EXOC4: variants seen among roughly 807,000 people sequenced by gnomAD.
The protein encoded by EXOC4 is SEC8-like 1.
Under a neutral mutation model 107.2 loss-of-function variants are expected in EXOC4, and 71 were observed. The observed-to-expected ratio is 0.66, with a 90% CI of 0.55 to 0.81. The LOEUF is 0.81. EXOC4 is among the 30% of genes least tolerant of loss of function. The pLI is 0.00. For missense variants in EXOC4, 1,108 were observed against 1,189.6 expected (o/e 0.93, Z 1.01); for synonymous variants, 456 against 441.2 (o/e 1.03, Z -0.42).
intron 7 of EXOC4, among the ~76,000 whole-genome samples, chr7:133,473,900 C>T (rs965583666): frequency 2.0e-5 from 3 of 152,066 alleles, no homozygotes; most frequent in African/African-American, 7.2e-5. Context: ...CAGGGTTTCA[C>T]TGTGTTAGCC....
At chr7:133,283,809 T>G (rs1794214308) in intron 2 of EXOC4, among the ~76,000 whole-genome samples, 2 of 152,244 alleles carry the variant, frequency 1.3e-5, no homozygotes, top group African/African-American at 4.8e-5. Context: ...CTGGCACTAC[T>G]GATTAGTTTT....
chr7:133,823,885 T>TA (rs1332388759), intron 11 of EXOC4, among the ~76,000 whole-genome samples: 1 of 22,006 alleles, frequency 4.5e-5, no homozygotes, highest in Non-Finnish European at 6.7e-5. Flanking sequence ...TATATATATA[T>TA]ATATATATTT....
At chr7:133,465,335 G>GT (rs1294910105) in intron 7 of EXOC4, among the ~76,000 whole-genome samples, 1 of 152,094 alleles carries the variant, frequency 6.6e-6, no homozygotes, top group Non-Finnish European at 1.5e-5. Context: ...ATTTGTCTTT[G>GT]TTTTTTAAGA....
At chr7:133,319,241 G>A (rs771805881) in intron 5 of EXOC4, among the ~76,000 whole-genome samples, 1 of 152,174 alleles carries the variant, frequency 6.6e-6, no homozygotes, top group Non-Finnish European at 1.5e-5. Context: ...GCTGAAATAT[G>A]CCAGTTACGG....
At chr7:133,596,027 C>T (rs1418316547) in intron 9 of EXOC4, among the ~76,000 whole-genome samples, 4 of 152,204 alleles carry the variant, frequency 2.6e-5, no homozygotes, top group Non-Finnish European at 5.9e-5. Flanking sequence ...TGCTTTGCTC[C>T]AACATGCTAT....
intron 9 of EXOC4, among the ~76,000 whole-genome samples, chr7:133,546,193 A>C (rs575828160): frequency 8.7e-5 from 13 of 149,088 alleles, no homozygotes; most frequent in Non-Finnish European, 1.8e-4. Flanking sequence ...TTAAGATCAG[A>C]TTTATTGATA....
At chr7:133,351,838 G>C (rs1211113240) in intron 5 of EXOC4, among the ~76,000 whole-genome samples, 1 of 151,312 alleles carries the variant, frequency 6.6e-6, no homozygotes, top group Admixed American at 6.6e-5. Flanking sequence ...CTTTTTTGCT[G>C]TTTTTCCTGC....
intron 3 of EXOC4, among the ~76,000 whole-genome samples, chr7:133,293,572 A>G (rs1463801692): frequency 6.6e-6 from 1 of 152,234 alleles, no homozygotes; most frequent in East Asian, 1.9e-4. Flanking sequence ...CAGAGTAAAT[A>G]ACTCCATGGT....
chr7:134,064,217 A>C, intron 17 of EXOC4, 74 bp from the exon 18 acceptor site: 1 of 944,840 alleles, frequency 1.1e-6, no homozygotes, highest in Non-Finnish European at 1.5e-6. Flanking sequence ...CAATGTATAG[A>C]CAGCGTATTT....
At chr7:134,086,239 G>A in the EXOC4 span, among the ~76,000 whole-genome samples, 1 of 152,146 alleles carries the variant, frequency 6.6e-6, no homozygotes, top group Non-Finnish European at 1.5e-5. Flanking sequence ...GATACACAGG[G>A]AACAGGTTGA....
the EXOC4 span, among the ~76,000 whole-genome samples, chr7:134,088,533 A>G: frequency 2.3e-4 from 35 of 152,204 alleles, no homozygotes; most frequent in African/African-American, 8.0e-4. Flanking sequence ...TTAGACTTCT[A>G]CTAGTTTACT....
chr7:133,349,981 C>T (rs1249289563), intron 5 of EXOC4, among the ~76,000 whole-genome samples: 2 of 151,980 alleles, frequency 1.3e-5, no homozygotes, highest in African/African-American at 4.8e-5. Context: ...ATTTGTATAT[C>T]TTCTTTGAAA....
At chr7:134,019,459 GTATAA>G (rs944288606) in intron 17 of EXOC4, among the ~76,000 whole-genome samples, 4 of 151,444 alleles carry the variant, frequency 2.6e-5, no homozygotes, top group South Asian at 2.1e-4. Flanking sequence ...CATATTCCAA[GTATAA>G]TATGAGTAAT....
At chr7:133,737,435 C>G (rs1418052112) in intron 10 of EXOC4, among the ~76,000 whole-genome samples, 1 of 149,760 alleles carries the variant, frequency 6.7e-6, no homozygotes, top group Non-Finnish European at 1.5e-5. Flanking sequence ...TATAAATGTT[C>G]TTTTTTCTTA....
chr7:133,570,008 A>T (rs1800987275), intron 9 of EXOC4, among the ~76,000 whole-genome samples: 1 of 152,226 alleles, frequency 6.6e-6, no homozygotes, highest in South Asian at 2.1e-4. Flanking sequence ...ATAGTTGCCT[A>T]GCCCCTTCTG....
At chr7:133,489,429 A>T (rs1799330237) in intron 9 of EXOC4, among the ~76,000 whole-genome samples, 1 of 152,214 alleles carries the variant, frequency 6.6e-6, no homozygotes. Context: ...ATCGAGAACA[A>T]ATGTGGAGTT....
chr7:133,514,953 C>G (rs1799844614), intron 9 of EXOC4, among the ~76,000 whole-genome samples: 1 of 152,074 alleles, frequency 6.6e-6, no homozygotes, highest in Non-Finnish European at 1.5e-5. Flanking sequence ...TTTTTTGTTG[C>G]TACCACCACT....
intron 7 of EXOC4, among the ~76,000 whole-genome samples, chr7:133,430,946 A>G (rs1797842675): frequency 1.3e-5 from 2 of 152,164 alleles, no homozygotes; most frequent in African/African-American, 2.4e-5. Flanking sequence ...CATTTTGTTC[A>G]CTTCTGTATC....
intron 4 of EXOC4, among the ~76,000 whole-genome samples, chr7:133,306,701 TAAA>T (rs528333685): frequency 6.9e-6 from 1 of 144,868 alleles, no homozygotes; most frequent in African/African-American, 2.5e-5. Context: ...CCTGGTCTCT[TAAA>T]AAAAAAAAAG....
Sources: gnomAD v4.1 joint callset for allele counts (sites outside exome capture counted in the v4.1 genomes callset) on GRCh38, gnomAD v4.1.1 for gene constraint, MANE v1.5 for transcripts, NCBI Gene and HGNC (gene_info 2026-07-23, HGNC 2026-07-21) for gene names.